Variants in HSPA14 observed in about 807,000 individuals in gnomAD.
HSPA14 encodes the protein heat shock protein family A (Hsp70) member 14.
Under a neutral mutation model 65.5 loss-of-function variants are expected in HSPA14, and 37 were observed. The observed-to-expected ratio is 0.56, with a 90% confidence interval of 0.43 to 0.74. The LOEUF (loss-of-function observed/expected upper bound fraction) is 0.74, where lower values mean the gene tolerates loss of function less well. HSPA14 is among the 30% of genes least tolerant of loss of function. The probability of loss-of-function intolerance (pLI) is 0.00; values close to 1 mark genes in which losing one functional copy is unlikely to be tolerated. For synonymous variants in HSPA14, 203 were observed against 214.2 expected, an observed-to-expected ratio of 0.95 and a Z score of 0.46; for missense variants, 564 against 607.6, an observed-to-expected ratio of 0.93 and a Z score of 0.75.
At position 14,855,952 on chromosome 10, in the gene HSPA14, T is replaced by C; in HGVS notation, c.993+9T>C. On this transcript the variant is annotated intron_variant, in intron 10 of 13. Coordinates refer to ENST00000378372, the MANE Select transcript of HSPA14 (RefSeq NM_016299.4). ...CAGATGATATCAACAAGGTAATGCT[T>C]TTACATTTTTCTTAACTATTTTAGG... 1 of 1,462,896 alleles carries C rather than the reference T, an allele frequency of 6.8e-7. No individual in the cohort carries two copies. Among genetic ancestry groups the C allele is most frequent in the Non-Finnish European group, 9.6e-7 (1 of 1,044,096 alleles). The allele number at this position is 1,462,896 out of a possible 1,614,324, so 90.6% of individuals were successfully genotyped here.
At chr10:14,858,177 G>A (rs958012368) in intron 10 of HSPA14, among the ~76,000 whole-genome samples, 1 of 152,144 alleles carries the variant, frequency 6.6e-6, no homozygotes, top group African/African-American at 2.4e-5. Context: ...TTACTCTATA[G>A]GGTTGCTACA....
intron 1 of HSPA14, 148 bp downstream of exon 1, chr10:14,838,607 C>T (rs1161947166): frequency 2.8e-6 from 2 of 723,630 alleles, no homozygotes; most frequent in Non-Finnish European, 2.1e-6. Flanking sequence ...AGCGAAGGGC[C>T]GGGCAGGCCC....
rs539247514 is a variant in HSPA14, at chr10:14,854,632, C to T, written c.890+352C>T. Among the ~76,000 whole-genome samples, 4 of 152,304 alleles carry T rather than the reference C, an allele frequency of 2.6e-5. No homozygotes were observed. In the South Asian group the frequency reaches 6.2e-4, roughly 24 times the overall value. ...AATGATACGGCCTATTCAAACCTCT[C>T]AACAACATAATAGGTGACTTTGAAG... is the stretch of plus-strand genomic sequence containing the variant. On this transcript the variant is annotated intron_variant, in intron 9 of 13. Coordinates refer to ENST00000378372, the MANE Select transcript of HSPA14 (RefSeq NM_016299.4).
chr10:14,854,302 C>G (rs1564323346), intron 9 of HSPA14, 22 bp downstream of exon 9: 1 of 1,556,500 alleles, frequency 6.4e-7, no homozygotes, highest in Non-Finnish European at 8.7e-7. Flanking sequence ...GTTCAAAAAA[C>G]TTTTTTAAAA....
At chr10:14,863,064 C>A (rs1418986504) in intron 10 of HSPA14, among the ~76,000 whole-genome samples, 1 of 151,176 alleles carries the variant, frequency 6.6e-6, no homozygotes, top group Non-Finnish European at 1.5e-5. Flanking sequence ...GTGAGATGAT[C>A]TTATGACGTT....
chr10:14,851,406 A>G (rs918853186), intron 7 of HSPA14, 83 bp downstream of exon 7: 1 of 814,342 alleles, frequency 1.2e-6, no homozygotes, highest in Non-Finnish European at 2.1e-6. Flanking sequence ...AAAGATTATT[A>G]TGTAATGCAG....
At chr10:14,846,924 A>G (rs1242684543) in intron 3 of HSPA14, 1 of 985,332 alleles carries the variant, frequency 1.0e-6, no homozygotes, top group Admixed American at 6.1e-5. Context: ...GGTGCTATGT[A>G]TACCAACTTC....
At chr10:14,867,522 G>T in intron 11 of HSPA14, among the ~76,000 whole-genome samples, 1 of 152,102 alleles carries the variant, frequency 6.6e-6, no homozygotes, top group Middle Eastern at 3.4e-3. Flanking sequence ...AAAAATAAAA[G>T]TTAGGTATAA....
At chr10:14,862,972 C>T (rs754520503) in intron 10 of HSPA14, among the ~76,000 whole-genome samples, 1 of 152,200 alleles carries the variant, frequency 6.6e-6, no homozygotes, top group Non-Finnish European at 1.5e-5. Flanking sequence ...GTGTGAGCCA[C>T]TGCGCTTGGC....
intron 10 of HSPA14, among the ~76,000 whole-genome samples, chr10:14,861,225 TG>T (rs1832747676): frequency 6.6e-6 from 1 of 151,978 alleles, no homozygotes; most frequent in Non-Finnish European, 1.5e-5. Flanking sequence ...AATAGGAAAA[TG>T]GGGTGGTTGA....
At chr10:14,861,839 C>T (rs532611044) in intron 10 of HSPA14, among the ~76,000 whole-genome samples, 1 of 151,790 alleles carries the variant, frequency 6.6e-6, no homozygotes, top group South Asian at 2.1e-4. Context: ...TGGTGAAACA[C>T]CGTCTCTACT....
At chr10:14,848,491 CTT>C (rs1195103464) in intron 3 of HSPA14, 116 bp from the exon 4 acceptor site, 14 of 650,638 alleles carry the variant, frequency 2.2e-5, no homozygotes, top group Non-Finnish European at 3.6e-5. Flanking sequence ...AGCTTAATAA[CTT>C]TGTTAATATT....
At chr10:14,850,033 C>G (rs2400104) in intron 6 of HSPA14, among the ~76,000 whole-genome samples, 66,690 of 151,836 alleles carry the variant, frequency 0.44, 17,740 homozygotes, top group African/African-American at 0.75. Context: ...GGGACACTGA[C>G]GGGGGGGCGG....
chr10:14,839,512 C>T (rs1833941845), intron 1 of HSPA14, among the ~76,000 whole-genome samples: 1 of 151,342 alleles, frequency 6.6e-6, no homozygotes, highest in South Asian at 2.1e-4. Flanking sequence ...TTGCAGTGAG[C>T]CGAGATCTGG....
intron 13 of HSPA14, among the ~76,000 whole-genome samples, chr10:14,871,189 G>A (rs867317912): frequency 1.3e-5 from 2 of 152,124 alleles, no homozygotes. Flanking sequence ...AATTCATCAG[G>A]GTGAGTTTGC....
At chr10:14,841,363 C>T (rs1338762745) in intron 3 of HSPA14, 3 of 152,192 alleles carry the variant, frequency 2.0e-5, no homozygotes, top group Non-Finnish European at 4.4e-5. Context: ...GCCCAAATCA[C>T]TGAGCAGCCA....
In HSPA14 at chr10:14,870,819, A is replaced by G. The variant is rs75523113; in HGVS notation, c.1451+152A>G. 3.0e-5 allele frequency: 21 copies of G among 695,356 alleles called. No individual in the cohort carries two copies. The African/African-American group carries it at 3.7e-4, about 12-fold the overall frequency. The allele number at this position is 695,356 out of a possible 1,614,324, so 43.1% of individuals were successfully genotyped here. Reference sequence around the variant, plus strand: ...GTGAATTACATTTTTTGCCCCCAGAATTACTATATTTTACAAAGAAAAGTA... The same window carrying G: ...GTGAATTACATTTTTTGCCCCCAGAGTTACTATATTTTACAAAGAAAAGTA... On this transcript the variant is annotated intron_variant, in intron 13 of 13. Coordinates refer to ENST00000378372, the MANE Select transcript of HSPA14 (RefSeq NM_016299.4).
intron 3 of HSPA14, chr10:14,843,640 A>G (rs1178267292): frequency 1.3e-6 from 2 of 1,550,162 alleles, no homozygotes; most frequent in Non-Finnish European, 1.7e-6. Context: ...GTCAGTGGCC[A>G]GGACTATCGC....
intron 3 of HSPA14, chr10:14,844,331 G>A (rs1834017078): frequency 9.6e-7 from 1 of 1,042,154 alleles, no homozygotes. Context: ...TAATTCATAT[G>A]GCCTTGGCTG....
Sources: allele counts gnomAD v4.1 joint callset (sites outside exome capture counted in the v4.1 genomes callset), GRCh38; gene constraint gnomAD v4.1.1; transcripts MANE v1.5; gene names NCBI Gene and HGNC (gene_info 2026-07-23, HGNC 2026-07-21).